Variants in TTLL7 observed in about 807,000 individuals in gnomAD.
TTLL7 encodes tubulin tyrosine ligase like 7, also known as tubulin polyglutamylase TTLL7.
In TTLL7, 53 loss-of-function variants were observed where a neutral mutation model predicts 120.2. The ratio of observed to expected loss-of-function variants is 0.44; its 90% CI spans 0.35 to 0.55. The LOEUF (loss-of-function observed/expected upper bound fraction) is 0.55, where lower values mean the gene tolerates loss of function less well. Ranked by LOEUF, TTLL7 falls within the 20% of genes least tolerant of loss-of-function variation. The pLI, the probability that TTLL7 is intolerant of heterozygous loss-of-function variation, is 0.00. For missense variants in TTLL7, 803 were observed against 1,054.7 expected (o/e 0.76, Z 3.31); for synonymous variants, 353 against 351.7 (o/e 1.00, Z -0.04).
At chr1:83,996,850 CCA>C (rs577289985) in intron 1 of TTLL7, among the ~76,000 whole-genome samples, 50 of 151,704 alleles carry the variant, frequency 3.3e-4, no homozygotes, top group African/African-American at 1.2e-3. Flanking sequence ...CCATCCATCA[CCA>C]GGACATGCAC....
chr1:83,987,384 C>A (rs902975138), intron 1 of TTLL7, among the ~76,000 whole-genome samples: 1 of 152,206 alleles, frequency 6.6e-6, no homozygotes, highest in East Asian at 1.9e-4. Context: ...GCAATTCTCC[C>A]TAAATCAACG....
chr1:83,961,298 C>T (rs1649997357), intron 1 of TTLL7, among the ~76,000 whole-genome samples: 1 of 152,012 alleles, frequency 6.6e-6, no homozygotes, highest in Non-Finnish European at 1.5e-5. Flanking sequence ...TCACAATTTT[C>T]AAATCCCTCT....
intron 18 of TTLL7, among the ~76,000 whole-genome samples, chr1:83,891,714 A>G (rs1470201603): frequency 6.6e-6 from 1 of 152,142 alleles, no homozygotes; most frequent in Non-Finnish European, 1.5e-5. Flanking sequence ...CCCCCTCTGG[A>G]CTACTGTGCA....
rs370247620 is a variant in TTLL7, at chr1:83,942,499, A to G, written c.687T>C (p.Gly229=). 8.1e-6 allele frequency: 13 copies of G among 1,613,994 alleles called. No individual in the cohort carries two copies. In the African/African-American group the frequency reaches 1.7e-4, roughly 22 times the overall value. ...CATTAGGTGGAATGTACTTCTCTGT[A>G]CCCATTCGCACAAGCCCATCATGGT... The part of the protein sequence containing the change: ...FLYHDGLVRM[G]TEKYIPPNES... The change falls in exon 7 of 21, where the codon GGT becomes GGC. Residue 229 remains glycine, a synonymous_variant. Coordinates refer to ENST00000260505, the MANE Select transcript of TTLL7 (RefSeq NM_024686.6).
chr1:83,913,261 G>A (rs570307998), intron 14 of TTLL7, among the ~76,000 whole-genome samples: 1 of 152,168 alleles, frequency 6.6e-6, no homozygotes, highest in South Asian at 2.1e-4. Flanking sequence ...TTATGAAGTA[G>A]GCTATATATA....
intron 15 of TTLL7, among the ~76,000 whole-genome samples, chr1:83,909,551 C>A (rs1657505617): frequency 6.6e-6 from 1 of 151,768 alleles, no homozygotes; most frequent in Non-Finnish European, 1.5e-5. Flanking sequence ...AAAGAATAAA[C>A]ACAAAGTGAA....
At chr1:83,947,529 T>C (rs373258170) in intron 5 of TTLL7, 2 of 366,984 alleles carry the variant, frequency 5.4e-6, no homozygotes, top group East Asian at 6.0e-5. Flanking sequence ...AATTTACATA[T>C]TAGTACATCA....
chr1:83,963,922 T>G (rs11163875), intron 1 of TTLL7, among the ~76,000 whole-genome samples: 64,799 of 151,842 alleles, frequency 0.43, 15,407 homozygotes, highest in Non-Finnish European at 0.54. Context: ...GTTTAGAAAA[T>G]CCATATGGAA....
chr1:83,971,484 C>A (rs915168311), intron 1 of TTLL7, among the ~76,000 whole-genome samples: 1 of 151,930 alleles, frequency 6.6e-6, no homozygotes, highest in Non-Finnish European at 1.5e-5. Context: ...GTAGGTATTC[C>A]ATATTTACTC....
rs1315158260 is a variant in TTLL7 at position 83,866,441 on chromosome 1, A to T, written c.*3521T>A. On this transcript the variant is annotated 3_prime_UTR_variant, in exon 21 of 21. Transcript: ENST00000260505. ...AAATTAAAAAGACAGTTAAAATGAA[A>T]TCTTTTTATTGATGTCTAGAAGCTA... is the stretch of plus-strand genomic sequence containing the variant. 6.6e-6 allele frequency: 1 copy of T among 151,868 alleles called. No homozygotes were observed. The highest frequency in any genetic ancestry group is 1.9e-4 in the East Asian group (1 of 5,192). The allele number at this position is 151,868 out of a possible 1,614,324, so 9.4% of individuals were successfully genotyped here.
intron 20 of TTLL7, among the ~76,000 whole-genome samples, chr1:83,881,395 GA>G (rs1406066425): frequency 5.4e-5 from 8 of 149,270 alleles, no homozygotes; most frequent in African/African-American, 1.7e-4. Context: ...AAATTTACAA[GA>G]AAAAAACAAC....
chr1:83,878,201 G>GTT (rs11326130), intron 20 of TTLL7, among the ~76,000 whole-genome samples: 1 of 143,674 alleles, frequency 7.0e-6, no homozygotes, highest in African/African-American at 2.5e-5. Flanking sequence ...ATTTGGGTTT[G>GTT]TTTTTTTTTT....
chr1:83,868,796 G>C lies in TTLL7; in HGVS notation c.*1166C>G, dbSNP rs1570987623. 3.3e-5 allele frequency: 5 copies of C among 151,886 alleles called. No homozygotes were observed. The South Asian group carries it at 1.0e-3, about 32-fold the overall frequency. 9.4% of individuals were successfully genotyped at this position (151,886 alleles called of 1,614,324 possible). On this transcript the variant is annotated 3_prime_UTR_variant, in exon 21 of 21. Coordinates refer to ENST00000260505, the MANE Select transcript of TTLL7 (RefSeq NM_024686.6). ...ATATACTTTCCAAATAAAAATGAGT[G>C]GTATAAGACATAAAAGCCATATAGA...
chr1:83,910,107 T>C (rs1017527691), intron 15 of TTLL7, among the ~76,000 whole-genome samples: 2 of 152,180 alleles, frequency 1.3e-5, no homozygotes, highest in African/African-American at 2.4e-5. Flanking sequence ...TATGAAGTAG[T>C]AGCACATTTC....
At chr1:83,898,796 C>T (rs1656461088) in intron 18 of TTLL7, among the ~76,000 whole-genome samples, 1 of 151,602 alleles carries the variant, frequency 6.6e-6, no homozygotes. Flanking sequence ...TGATTACTTC[C>T]AAAATTACCT....
intron 14 of TTLL7, among the ~76,000 whole-genome samples, chr1:83,917,099 C>CAAA (rs540546625): frequency 1.2e-5 from 1 of 81,300 alleles, no homozygotes; most frequent in African/African-American, 4.3e-5. Flanking sequence ...ACCCTGTTAT[C>CAAA]AAAAAAAAAA....
At chr1:83,879,652 T>C (rs969907130) in intron 20 of TTLL7, among the ~76,000 whole-genome samples, 6 of 152,026 alleles carry the variant, frequency 3.9e-5, no homozygotes, top group Non-Finnish European at 8.8e-5. Context: ...AATAGCACTA[T>C]AGAGTAACAA....
At chr1:83,923,383 CA>C (rs1658844743) in intron 10 of TTLL7, among the ~76,000 whole-genome samples, 1 of 144,736 alleles carries the variant, frequency 6.9e-6, no homozygotes, top group Non-Finnish European at 1.5e-5. Flanking sequence ...ATAGAGGAAG[CA>C]AAAAAAGGGA....
At chr1:83,949,809 T>C (rs747169825) in intron 4 of TTLL7, 56 bp downstream of exon 4, 44 of 1,594,580 alleles carry the variant, frequency 2.8e-5, no homozygotes, top group Non-Finnish European at 2.9e-5. Context: ...AAAAAAGTTA[T>C]GTGGAATCCA....
Sources: allele counts gnomAD v4.1 joint callset (sites outside exome capture counted in the v4.1 genomes callset), GRCh38; gene constraint gnomAD v4.1.1; transcripts MANE v1.5; gene names NCBI Gene and HGNC (gene_info 2026-07-23, HGNC 2026-07-21).